Variants in TSHZ2 observed in about 807,000 individuals in gnomAD.
TSHZ2 encodes teashirt homolog 2.
A neutral mutation model predicts 74.4 loss-of-function variants in TSHZ2; 21 were observed. The ratio of observed to expected loss-of-function variants is 0.28; its 90% CI spans 0.20 to 0.41. The LOEUF (loss-of-function observed/expected upper bound fraction) is 0.41, where lower values mean the gene tolerates loss of function less well. Among genes scored for constraint, TSHZ2 ranks in the 10% least tolerant of loss-of-function variants. The probability of loss-of-function intolerance (pLI) is 1.00; values close to 1 mark genes in which losing one functional copy is unlikely to be tolerated. For missense variants in TSHZ2, 1,244 were observed against 1,293.5 expected, an observed-to-expected ratio of 0.96 and a Z score of 0.59; for synonymous variants, 540 against 515.3, an observed-to-expected ratio of 1.05 and a Z score of -0.65.
At chr20:53,046,306 G>T (rs1156999587) in intron 1 of TSHZ2, among the ~76,000 whole-genome samples, 3 of 152,090 alleles carry the variant, frequency 2.0e-5, no homozygotes, top group Non-Finnish European at 4.4e-5. Context: ...ACCCTCCACA[G>T]CCACGTGACC....
chr20:53,229,508 A>G (rs1989768818), intron 1 of TSHZ2, among the ~76,000 whole-genome samples: 1 of 152,214 alleles, frequency 6.6e-6, no homozygotes, highest in Non-Finnish European at 1.5e-5. Context: ...CCTTGCCTGC[A>G]AAGTTCTAAT....
intron 2 of TSHZ2, among the ~76,000 whole-genome samples, chr20:53,321,276 A>AT (rs944958157): frequency 5.3e-5 from 8 of 151,580 alleles, no homozygotes; most frequent in South Asian, 2.1e-4. Flanking sequence ...ATTCCTTCAT[A>AT]TTTTTTTTCT....
At chr20:53,361,778 C>T (rs1223557675) in intron 2 of TSHZ2, among the ~76,000 whole-genome samples, 1 of 152,232 alleles carries the variant, frequency 6.6e-6, no homozygotes, top group Non-Finnish European at 1.5e-5. Context: ...AATTGTCTGG[C>T]ATCCCAACTT....
chr20:53,437,685 T>C (rs1555865796), intron 2 of TSHZ2, among the ~76,000 whole-genome samples: 2 of 152,120 alleles, frequency 1.3e-5, no homozygotes, highest in Non-Finnish European at 2.9e-5. Context: ...TGAAATGTGA[T>C]CCCCAATGTT....
chr20:53,008,735 T>G (rs1321662835), intron 1 of TSHZ2, among the ~76,000 whole-genome samples: 1 of 152,154 alleles, frequency 6.6e-6, no homozygotes, highest in Admixed American at 6.5e-5. Flanking sequence ...AAGTGTCAAT[T>G]ATTCCCGTTT....
chr20:53,405,231 A>C (rs1982803378), intron 2 of TSHZ2, among the ~76,000 whole-genome samples: 2 of 135,354 alleles, frequency 1.5e-5, no homozygotes, highest in South Asian at 4.7e-4. Flanking sequence ...CCTGGGCAGC[A>C]GAGCAAGACT....
At chr20:53,420,547 A>G (rs1983431901) in intron 2 of TSHZ2, among the ~76,000 whole-genome samples, 1 of 152,156 alleles carries the variant, frequency 6.6e-6, no homozygotes, top group South Asian at 2.1e-4. Context: ...TAACACGGTG[A>G]AACCCCATCT....
chr20:53,371,950 GCCTCTAACTT>G (rs1242009543), intron 2 of TSHZ2, among the ~76,000 whole-genome samples: 1 of 151,326 alleles, frequency 6.6e-6, no homozygotes, highest in South Asian at 2.1e-4. Context: ...GAGTCTTCCT[GCCTCTAACTT>G]CCCCGTGACT....
intron 2 of TSHZ2, among the ~76,000 whole-genome samples, chr20:53,460,315 T>C (rs371614142): frequency 6.6e-6 from 1 of 152,200 alleles, no homozygotes; most frequent in Non-Finnish European, 1.5e-5. Context: ...CCATCGCTGA[T>C]ACCCTTTCTT....
intron 2 of TSHZ2, among the ~76,000 whole-genome samples, chr20:53,409,834 CTTTTTTTTTTTTTT>C (rs71194475): frequency 5.5e-4 from 27 of 49,340 alleles, no homozygotes; most frequent in Non-Finnish European, 7.7e-4. Flanking sequence ...GTTTTCTTTT[CTTTTTTTTTTTTTT>C]TTTTTTTTTT....
rs1986386906 is a variant in TSHZ2 at position 53,489,417 on chromosome 20, T to A, written c.*2282T>A. The A allele has an allele frequency of 2.9e-6, 1 of 345,922 alleles. No homozygotes were observed. The highest frequency in any genetic ancestry group is 2.1e-5 in the African/African-American group (1 of 46,558). 21.4% of individuals were successfully genotyped at this position (345,922 alleles called of 1,614,324 possible). On this transcript the variant is annotated 3_prime_UTR_variant, in exon 3 of 3. Coordinates refer to ENST00000371497, the MANE Select transcript of TSHZ2 (RefSeq NM_173485.6). Reference sequence around the variant, plus strand: ...ATTCTATTAAAGGAAAATCAATGCATTAGTATTGGGGTTCTCGTAGCTGTT... The same window carrying A: ...ATTCTATTAAAGGAAAATCAATGCAATAGTATTGGGGTTCTCGTAGCTGTT...
At chr20:53,469,849 G>GAA (rs1985736807) in intron 2 of TSHZ2, among the ~76,000 whole-genome samples, 1 of 137,466 alleles carries the variant, frequency 7.3e-6, no homozygotes, top group Non-Finnish European at 1.6e-5. Context: ...AGGGAGGGAG[G>GAA]GAGGAAGGAA....
At chr20:53,382,647 C>T (rs1347766090) in intron 2 of TSHZ2, among the ~76,000 whole-genome samples, 2 of 152,144 alleles carry the variant, frequency 1.3e-5, no homozygotes, top group Admixed American at 6.5e-5. Context: ...TTCTCAGGCA[C>T]TCCATGGCTC....
chr20:53,187,470 C>A (rs1988627445), intron 1 of TSHZ2, among the ~76,000 whole-genome samples: 1 of 152,160 alleles, frequency 6.6e-6, no homozygotes, highest in South Asian at 2.1e-4. Flanking sequence ...CAGCAGTGAG[C>A]AGTTGGCTTG....
intron 1 of TSHZ2, among the ~76,000 whole-genome samples, chr20:53,228,103 AACACACACACACAC>A (rs10561638): frequency 3.1e-4 from 42 of 134,542 alleles, no homozygotes; most frequent in East Asian, 3.0e-3. Context: ...TGGCCCCCAA[AACACACACACACAC>A]ACACACACAC....
At chr20:53,122,735 A>T (rs1190401251) in intron 1 of TSHZ2, among the ~76,000 whole-genome samples, 1 of 152,172 alleles carries the variant, frequency 6.6e-6, no homozygotes, top group African/African-American at 2.4e-5. Flanking sequence ...GGCTACCTAG[A>T]CACACCAAAG....
intron 1 of TSHZ2, among the ~76,000 whole-genome samples, chr20:53,241,304 T>TGTGGGTTTGGCCC (rs1290406486): frequency 2.6e-5 from 4 of 152,164 alleles, no homozygotes. Context: ...AACTATGTGT[T>TGTGGGTTTGGCCC]GTGGGTTTGG....
chr20:53,231,577 T>C (rs1310339992), intron 1 of TSHZ2, among the ~76,000 whole-genome samples: 1 of 152,200 alleles, frequency 6.6e-6, no homozygotes, highest in African/African-American at 2.4e-5. Context: ...GTCTCAGCAA[T>C]GATCTTGACA....
At chr20:53,130,775 A>T (rs868341493) in intron 1 of TSHZ2, among the ~76,000 whole-genome samples, 1 of 152,218 alleles carries the variant, frequency 6.6e-6, no homozygotes, top group African/African-American at 2.4e-5. Context: ...CCCTGAATTC[A>T]TCGGCGTTGT....
Sources: allele counts gnomAD v4.1 joint callset (sites outside exome capture counted in the v4.1 genomes callset), GRCh38; gene constraint gnomAD v4.1.1; transcripts MANE v1.5; gene names NCBI Gene and HGNC (gene_info 2026-07-23, HGNC 2026-07-21).